The following ARSL variants were observed in gnomAD, a reference collection of about 807,000 sequenced individuals.
ARSL encodes the protein arylsulfatase L, also known as arylsulfatase E (chondrodysplasia punctata 1).
Under a neutral mutation model 31.1 loss-of-function variants are expected in ARSL, and 4 were observed. The ratio of observed to expected loss-of-function variants is 0.13; its 90% CI spans 0.06 to 0.29. The LOEUF (loss-of-function observed/expected upper bound fraction) is 0.29. ARSL is among the 10% of genes least tolerant of loss of function. The pLI is 1.00. For synonymous variants in ARSL, 198 were observed against 209.9 expected, an observed-to-expected ratio of 0.94 and a Z score of 0.49; for missense variants, 312 against 497.8, an observed-to-expected ratio of 0.63 and a Z score of 3.55.
At chrX:2,937,735 T>G (rs1459318293) in intron 9 of ARSL, among the ~76,000 whole-genome samples, 2 of 111,333 alleles carry the variant, frequency 1.8e-5, no homozygotes, top group African/African-American at 6.5e-5. Context: ...TCCTCAGGAC[T>G]CAGACCTTAG....
intron 4 of ARSL, among the ~76,000 whole-genome samples, chrX:2,953,825 C>G (rs2089491819): frequency 9.0e-6 from 1 of 110,819 alleles, no homozygotes; most frequent in Non-Finnish European, 1.9e-5. Context: ...CTCAACTGAT[C>G]CTCCCACTTC....
At chrX:2,938,409 A>G in intron 8 of ARSL, 152 bp from the exon 9 acceptor site, 1 of 797,448 alleles carries the variant, frequency 1.3e-6, no homozygotes, top group Admixed American at 3.0e-5. Flanking sequence ...TGTTTTAGTG[A>G]CATTAAAACA....
chrX:2,964,174 C>T (rs2089676875), intron 1 of ARSL, 50 bp downstream of exon 1: 1 of 754,028 alleles, frequency 1.3e-6, no homozygotes, highest in Non-Finnish European at 1.6e-6. Flanking sequence ...GCTATTCATG[C>T]CTGGTCACGG....
intron 6 of ARSL, among the ~76,000 whole-genome samples, chrX:2,948,402 C>T (rs1401878068): frequency 9.0e-6 from 1 of 111,426 alleles, no homozygotes; most frequent in African/African-American, 3.3e-5. Context: ...GATTATAAAG[C>T]CCTTCAGGTG....
chrX:2,947,297 G>A lies in ARSL; in HGVS notation c.855-1163C>T, dbSNP rs968664520. On this transcript the variant is annotated intron_variant, in intron 6 of 10. Coordinates refer to ENST00000381134, the MANE Select transcript of ARSL (RefSeq NM_000047.3). The stretch of plus-strand genomic sequence containing the variant: ...TAATGCAAAGTTAAAAGAACTGTAG[G>A]TTACTGACATGACTTTTATTTTGTT... Among the ~76,000 whole-genome samples, 20 of 112,231 alleles carry A rather than the reference G, an allele frequency of 1.8e-4. No individual in the cohort carries two copies. In the East Asian group the frequency reaches 1.9e-3, roughly 11 times the overall value.
At chrX:2,959,548 C>A in intron 2 of ARSL, 1 of 1,116,388 alleles carries the variant, frequency 9.0e-7, no homozygotes, top group Non-Finnish European at 1.2e-6. Flanking sequence ...TAGGGGAAAC[C>A]CTGATTTTCC....
rs1179546621 is a variant in ARSL at position 2,964,158 on chromosome X, C to G, written c.-21+66G>C. ...AAAAGGGAACGGGGAGCTCTTTGTT[C>G]ACCACGCTATTCATGCCTGGTCACG... On this transcript the variant is annotated intron_variant, in intron 1 of 10. Coordinates refer to ENST00000381134, the MANE Select transcript of ARSL (RefSeq NM_000047.3). 16 of 751,296 alleles carry G rather than the reference C, an allele frequency of 2.1e-5. No homozygotes were observed. In the African/African-American group the frequency reaches 3.7e-4, roughly 17 times the overall value. The allele number at this position is 751,296 out of a possible 1,213,427, so 61.9% of individuals were successfully genotyped here. A position where few individuals can be genotyped will look rare whatever the true frequency, so the allele number is the denominator to read the frequency against.
intron 7 of ARSL, among the ~76,000 whole-genome samples, chrX:2,944,470 A>G (rs1469387036): frequency 3.3e-5 from 2 of 61,404 alleles, no homozygotes; most frequent in Non-Finnish European, 8.3e-5. Flanking sequence ...AAAACAAAAA[A>G]AACAAAAAAA....
chrX:2,943,303 G>T, intron 7 of ARSL, 104 bp from the exon 8 acceptor site: 2 of 1,027,154 alleles, frequency 1.9e-6, no homozygotes, highest in East Asian at 3.2e-5. Context: ...CAAGAATGAA[G>T]CCTTAGTTTT....
chrX:2,946,830 C>T (rs755916971), intron 6 of ARSL, among the ~76,000 whole-genome samples: 2 of 110,893 alleles, frequency 1.8e-5, no homozygotes, highest in South Asian at 3.8e-4. Flanking sequence ...CCACAACACA[C>T]GTCTTGTTTA....
rs773660231 is a variant in ARSL, at chrX:2,943,210, C to T, written c.992-11G>A. On this transcript the variant is annotated splice_polypyrimidine_tract_variant and intron_variant, in intron 7 of 10. Coordinates refer to ENST00000381134, the MANE Select transcript of ARSL (RefSeq NM_000047.3). ...TGTCAAGGATCCGTCCTGCAAAGAA[C>T]AGATGTTTTTGGGGCCGTCGAAATG... The T allele has an allele frequency of 8.3e-7, 1 of 1,210,253 alleles. No individual in the cohort carries two copies. Among genetic ancestry groups the T allele is most frequent in the Non-Finnish European group, 1.1e-6 (1 of 895,160 alleles).
chrX:2,949,278 G>C (rs777961865), intron 6 of ARSL, 26 bp downstream of exon 6: 1 of 1,207,692 alleles, frequency 8.3e-7, no homozygotes, highest in African/African-American at 1.8e-5. Context: ...TGAGTGCTTG[G>C]AGGAAGCTGA....
Position 2,949,721 on chromosome X carries a change from C to T in ARSL, c.437G>A (p.Trp146Ter), listed in dbSNP as rs1603462114. The T allele has an allele frequency of 8.3e-7, 1 of 1,208,861 alleles. No homozygotes were observed. Among genetic ancestry groups the T allele is most frequent in the Admixed American group, 2.2e-5 (1 of 45,603 alleles). Residue 146 changes from tryptophan (W) to a stop codon, truncating the protein, a stop_gained, in exon 6 of 11, where the codon TGG becomes TAG. Coordinates refer to ENST00000381134, the MANE Select transcript of ARSL (RefSeq NM_000047.3). LOFTEE classifies it high-confidence loss of function. ...KGYATGLIGKWHLGLNCESAS... is the reference protein window; with the variant it reads ...KGYATGLIGK ...TGACTCACAGTTGAGACCCAGATGC[C>T]ATTTTCCTGAGAGGCAAAAAGGATG...
At chrX:2,939,785 C>T (rs1232496242) in intron 8 of ARSL, among the ~76,000 whole-genome samples, 1 of 107,647 alleles carries the variant, frequency 9.3e-6, no homozygotes, top group African/African-American at 3.4e-5. Flanking sequence ...CTTTGTGGTA[C>T]ACGAAAGAAT....
At chrX:2,961,091 T>C (rs1224377771) in intron 1 of ARSL, among the ~76,000 whole-genome samples, 3 of 111,167 alleles carry the variant, frequency 2.7e-5, no homozygotes. Flanking sequence ...CACTGAGTGC[T>C]GCATGAAGGA....
chrX:2,944,702 G>A (rs753212330), intron 7 of ARSL, among the ~76,000 whole-genome samples: 26 of 109,706 alleles, frequency 2.4e-4, no homozygotes, highest in Admixed American at 6.0e-4. Flanking sequence ...GATGTGCTGT[G>A]CCCATATACA....
intron 7 of ARSL, among the ~76,000 whole-genome samples, chrX:2,943,456 T>C (rs1305394635): frequency 9.0e-6 from 1 of 110,801 alleles, no homozygotes; most frequent in East Asian, 2.8e-4. Context: ...AAGTGCAGCA[T>C]GCAGGCTGGG....
At chrX:2,965,560 A>T (rs918398709), upstream of ARSL, among the ~76,000 whole-genome samples, 42 of 110,786 alleles carry the variant, frequency 3.8e-4, no homozygotes, top group African/African-American at 1.3e-3. Context: ...TAAGCAAAAA[A>T]AAAAGTAAAA....
intron 5 of ARSL, among the ~76,000 whole-genome samples, chrX:2,951,802 A>AG (rs2089466147): frequency 1.9e-5 from 1 of 51,518 alleles, no homozygotes; most frequent in African/African-American, 4.4e-5. Flanking sequence ...ACCCTGTTTA[A>AG]AAAAAAAAAA....
Sources: allele counts gnomAD v4.1 joint callset (sites outside exome capture counted in the v4.1 genomes callset), GRCh38; gene constraint gnomAD v4.1.1; transcripts MANE v1.5; gene names NCBI Gene and HGNC (gene_info 2026-07-23, HGNC 2026-07-21).